Variants in PTPRK observed in about 807,000 individuals in gnomAD.
PTPRK encodes the protein protein tyrosine phosphatase receptor type K.
Under a neutral mutation model 178.0 loss-of-function variants are expected in PTPRK, and 75 were observed. That is an observed-to-expected ratio of 0.42 (90% CI 0.35 to 0.51). PTPRK has a LOEUF of 0.51. Among genes scored for constraint, PTPRK ranks in the 20% least tolerant of loss-of-function variants. The pLI, the probability that PTPRK is intolerant of heterozygous loss-of-function variation, is 0.02. For missense variants in PTPRK, 1,441 were observed against 1,797.8 expected, an observed-to-expected ratio of 0.80 and a Z score of 3.59; for synonymous variants, 637 against 620.6, an observed-to-expected ratio of 1.03 and a Z score of -0.39.
intron 2 of PTPRK, among the ~76,000 whole-genome samples, chr6:128,396,819 G>A (rs1164132786): frequency 6.6e-6 from 1 of 152,038 alleles, no homozygotes; most frequent in African/African-American, 2.4e-5. Context: ...CCAACACAGT[G>A]AAACCCCGCC....
intron 1 of PTPRK, among the ~76,000 whole-genome samples, chr6:128,493,645 C>T (rs924349238): frequency 1.6e-5 from 2 of 126,440 alleles, no homozygotes; most frequent in East Asian, 2.5e-4. Flanking sequence ...CACACACACA[C>T]AGAAACAACT....
chr6:128,481,673 C>A (rs1446837464), intron 1 of PTPRK, among the ~76,000 whole-genome samples: 1 of 151,954 alleles, frequency 6.6e-6, no homozygotes, highest in East Asian at 1.9e-4. Flanking sequence ...AGTATCATTC[C>A]TCAGTTGCCT....
intron 1 of PTPRK, among the ~76,000 whole-genome samples, chr6:128,490,117 T>G (rs1434082343): frequency 6.6e-6 from 1 of 152,200 alleles, no homozygotes; most frequent in Admixed American, 6.5e-5. Flanking sequence ...TGCTTTTCTC[T>G]CCTCTTTTCT....
chr6:128,242,174 T>C (rs1814590569), intron 4 of PTPRK, among the ~76,000 whole-genome samples: 2 of 152,282 alleles, frequency 1.3e-5, no homozygotes, highest in South Asian at 4.1e-4. Context: ...TTCCTTTCTG[T>C]TGAACTCTGA....
intron 3 of PTPRK, among the ~76,000 whole-genome samples, chr6:128,310,787 T>C (rs1385021814): frequency 6.6e-6 from 1 of 152,208 alleles, no homozygotes; most frequent in Admixed American, 6.5e-5. Context: ...CAACCCACTT[T>C]ATTCTCCAGG....
At chr6:128,185,232 GT>G (rs1427467634) in intron 6 of PTPRK, among the ~76,000 whole-genome samples, 7 of 152,114 alleles carry the variant, frequency 4.6e-5, no homozygotes, top group African/African-American at 1.7e-4. Context: ...GCCTCACAGT[GT>G]GACAAATTTA....
chr6:128,182,092 A>AAAAAAT (rs1452629883), intron 7 of PTPRK, among the ~76,000 whole-genome samples: 1 of 152,190 alleles, frequency 6.6e-6, no homozygotes, highest in African/African-American at 2.4e-5. Context: ...AACATGTGAT[A>AAAAAAT]AAAATTCACT....
At chr6:128,265,830 G>T (rs950862411) in intron 3 of PTPRK, among the ~76,000 whole-genome samples, 3 of 152,112 alleles carry the variant, frequency 2.0e-5, no homozygotes, top group Non-Finnish European at 4.4e-5. Context: ...AAATTCTTAT[G>T]TTGAAATTTG....
intron 13 of PTPRK, among the ~76,000 whole-genome samples, chr6:128,018,133 C>A (rs764628197): frequency 6.6e-6 from 1 of 151,700 alleles, no homozygotes; most frequent in African/African-American, 2.4e-5. Flanking sequence ...AGGTCTGGAG[C>A]GAATCAAGGG....
In PTPRK at chr6:128,397,632, C is replaced by G. The variant is rs748713805; in HGVS notation, c.157G>C (p.Asp53His). The change falls in exon 2 of 30, where the codon GAT becomes CAT. Residue 53 changes from aspartate (D) to histidine (H), a missense_variant. Around this residue, in one of 4 missense-constraint regions of PTPRK, gnomAD observed 158 missense variants for 188.0 expected, o/e 0.84. Transcript: ENST00000368226. ...GACDYHQDLY[D>H]DFEWVHVSAQ... ...CTAACATGCACCCATTCAAAGTCAT[C>G]ATACAGATCCTGGTGGTAATCACAG... is the stretch of plus-strand genomic sequence containing the variant. 6.2e-7 allele frequency: 1 copy of G among 1,613,654 alleles called. No homozygotes were observed. The highest frequency in any genetic ancestry group is 8.5e-7 in the Non-Finnish European group (1 of 1,179,644).
intron 2 of PTPRK, among the ~76,000 whole-genome samples, chr6:128,394,382 T>A (rs1457268851): frequency 6.6e-6 from 1 of 152,186 alleles, no homozygotes; most frequent in Non-Finnish European, 1.5e-5. Context: ...GCTGGGCTTA[T>A]ACCCAAGAAT....
chr6:128,044,505 C>CA (rs911005613), intron 13 of PTPRK, among the ~76,000 whole-genome samples: 13 of 152,056 alleles, frequency 8.5e-5, no homozygotes, highest in African/African-American at 2.9e-4. Context: ...ACACTTAAAA[C>CA]ACAAATTCTC....
intron 3 of PTPRK, among the ~76,000 whole-genome samples, chr6:128,303,639 C>G (rs936648133): frequency 3.9e-5 from 6 of 152,168 alleles, no homozygotes; most frequent in African/African-American, 1.4e-4. Context: ...TTTGCTACCT[C>G]AATATCTTAA....
intron 7 of PTPRK, among the ~76,000 whole-genome samples, chr6:128,152,392 A>G (rs929134747): frequency 3.3e-5 from 5 of 151,970 alleles, no homozygotes; most frequent in Non-Finnish European, 5.9e-5. Flanking sequence ...TGATTGTGGG[A>G]TTTATTCAAT....
chr6:128,375,968 C>T (rs1042164711), intron 2 of PTPRK, among the ~76,000 whole-genome samples: 1 of 152,180 alleles, frequency 6.6e-6, no homozygotes, highest in African/African-American at 2.4e-5. Flanking sequence ...TGGTCTTGGG[C>T]AGTTCCACCT....
intron 1 of PTPRK, among the ~76,000 whole-genome samples, chr6:128,514,370 A>ATGTGTGTGTGTGTGTGTGTG (rs146438569): frequency 6.7e-4 from 100 of 148,372 alleles, no homozygotes; most frequent in Non-Finnish European, 1.4e-3. Context: ...CATTGTTAAG[A>ATGTGTGTGTGTGTGTGTGTG]TGTGTGTGTG....
At chr6:128,178,893 C>A (rs1352005400) in intron 7 of PTPRK, among the ~76,000 whole-genome samples, 2 of 151,768 alleles carry the variant, frequency 1.3e-5, no homozygotes, top group South Asian at 2.1e-4. Flanking sequence ...AGTAGACATT[C>A]CTGATGAAAT....
chr6:128,136,592 T>C (rs1200843274), intron 7 of PTPRK, among the ~76,000 whole-genome samples: 1 of 152,218 alleles, frequency 6.6e-6, no homozygotes, highest in African/African-American at 2.4e-5. Context: ...CTTAATCTGG[T>C]ATAAAATTCT....
At chr6:127,975,099 C>A (rs984759629) in intron 27 of PTPRK, among the ~76,000 whole-genome samples, 2 of 152,050 alleles carry the variant, frequency 1.3e-5, no homozygotes, top group African/African-American at 4.8e-5. Context: ...GAAAAAAAAT[C>A]ATGTACTAAT....
Sources: allele counts gnomAD v4.1 joint callset (sites outside exome capture counted in the v4.1 genomes callset), GRCh38; gene constraint gnomAD v4.1.1; regional missense constraint gnomAD v4.1.1; transcripts MANE v1.5; gene names NCBI Gene and HGNC (gene_info 2026-07-23, HGNC 2026-07-21).